MAMDC2: variants seen among roughly 807,000 people sequenced by gnomAD.
MAMDC2 encodes MAM domain containing 2.
MAMDC2 carries 57 observed loss-of-function variants against 89.8 expected under a neutral mutation model. The observed-to-expected ratio is 0.63, with a 90% CI of 0.51 to 0.79. The LOEUF (loss-of-function observed/expected upper bound fraction) is 0.79, where lower values mean the gene tolerates loss of function less well. Ranked by LOEUF, MAMDC2 falls within the 30% of genes least tolerant of loss-of-function variation. MAMDC2 has a pLI of 0.00. For synonymous variants in MAMDC2, 313 were observed against 293.4 expected (o/e 1.07, Z -0.68); for missense variants, 800 against 820.6 (o/e 0.97, Z 0.31).
chr9:70,142,805 C>T lies in MAMDC2; in HGVS notation c.1139-749C>T, dbSNP rs980214992. On this transcript the variant is annotated intron_variant, in intron 8 of 13. Transcript: ENST00000377182. ...ACTGAGGCACCCAAAAGAAAACTGA[C>T]AGGAGGAGGAGCAGAAAAAAGAAAG... 1.2e-4 allele frequency among the ~76,000 whole-genome samples: 18 copies of T among 152,146 alleles called. 1 individual carries two copies. Among genetic ancestry groups the T allele is most frequent in the Middle Eastern group, 3.4e-3 (1 of 294 alleles).
intron 2 of MAMDC2, among the ~76,000 whole-genome samples, chr9:70,085,259 A>G (rs1016279554): frequency 2.0e-5 from 3 of 152,000 alleles, no homozygotes; most frequent in Non-Finnish European, 4.4e-5. Flanking sequence ...GGGGGCATAG[A>G]CACCGTCCCT....
intron 2 of MAMDC2, among the ~76,000 whole-genome samples, chr9:70,100,480 G>A (rs1346590917): frequency 1.3e-5 from 2 of 152,210 alleles, no homozygotes; most frequent in Non-Finnish European, 2.9e-5. Flanking sequence ...TCAGCCCTGG[G>A]AAGGAAGCTG....
intron 2 of MAMDC2, among the ~76,000 whole-genome samples, chr9:70,082,399 C>G (rs905946648): frequency 6.6e-6 from 1 of 152,064 alleles, no homozygotes; most frequent in Admixed American, 6.6e-5. Flanking sequence ...TAAAAAAACT[C>G]TTTTAAAAAA....
chr9:70,094,490 A>G (rs1429718663), intron 2 of MAMDC2, among the ~76,000 whole-genome samples: 2 of 152,234 alleles, frequency 1.3e-5, no homozygotes, highest in Admixed American at 6.5e-5. Flanking sequence ...CAGTAGAGGT[A>G]TATGTGAAAA....
At chr9:70,115,599 G>A (rs766351252) in intron 5 of MAMDC2, among the ~76,000 whole-genome samples, 7 of 152,086 alleles carry the variant, frequency 4.6e-5, no homozygotes, top group South Asian at 2.1e-4. Context: ...TAGGTGATCC[G>A]CCTGCCTCGG....
At chr9:70,049,699 C>T (rs1469559643) in intron 2 of MAMDC2, among the ~76,000 whole-genome samples, 1 of 152,212 alleles carries the variant, frequency 6.6e-6, no homozygotes, top group South Asian at 2.1e-4. Context: ...AGGGATGTTC[C>T]TTGACACCCT....
At chr9:70,212,489 A>C (rs2033375391) in intron 11 of MAMDC2, among the ~76,000 whole-genome samples, 2 of 152,216 alleles carry the variant, frequency 1.3e-5, no homozygotes, top group African/African-American at 4.8e-5. Flanking sequence ...GTGCAGTATT[A>C]GAGTGGGAGT....
chr9:70,176,603 CCTT>C lies in MAMDC2; in HGVS notation c.1651+5976_1651+5978del, dbSNP rs375867170. 2.9e-4 allele frequency among the ~76,000 whole-genome samples: 44 copies of C among 152,228 alleles called. 1 individual carries two copies. In the East Asian group the frequency reaches 3.7e-3, roughly 13 times the overall value. On this transcript the variant is annotated intron_variant, in intron 11 of 13. Coordinates refer to ENST00000377182, the MANE Select transcript of MAMDC2 (RefSeq NM_153267.5). ...TAAAGTAAATTTTTTCTAGGGCCTG[CCTT>C]CTTTATTCTCTGTTTCATTTGCTTC...
intron 5 of MAMDC2, among the ~76,000 whole-genome samples, chr9:70,122,055 C>T (rs971103881): frequency 4.6e-5 from 7 of 152,222 alleles, no homozygotes; most frequent in Admixed American, 2.0e-4. Flanking sequence ...AGATAGTAAA[C>T]TCATGATGAG....
At chr9:70,165,721 G>A (rs1359711797) in intron 9 of MAMDC2, among the ~76,000 whole-genome samples, 1 of 152,228 alleles carries the variant, frequency 6.6e-6, no homozygotes, top group Non-Finnish European at 1.5e-5. Flanking sequence ...ATGAGGAAAT[G>A]CTGCATACCT....
At chr9:70,102,924 T>C (rs1017180703) in intron 2 of MAMDC2, among the ~76,000 whole-genome samples, 2 of 152,234 alleles carry the variant, frequency 1.3e-5, no homozygotes, top group African/African-American at 4.8e-5. Flanking sequence ...AATCCCCCTG[T>C]GATTTCTGCC....
intron 9 of MAMDC2, 97 bp from the exon 10 acceptor site, chr9:70,168,605 G>T: frequency 1.1e-5 from 9 of 823,442 alleles, no homozygotes; most frequent in Non-Finnish European, 1.6e-5. Flanking sequence ...CTTGTAGTTT[G>T]CCTATGCTCG....
intron 12 of MAMDC2, 75 bp downstream of exon 12, chr9:70,218,671 C>G (rs2033496098): frequency 6.8e-7 from 1 of 1,467,986 alleles, no homozygotes; most frequent in African/African-American, 1.4e-5. Context: ...ATTCTTGCTA[C>G]CAAAGAGAAT....
intron 2 of MAMDC2, among the ~76,000 whole-genome samples, chr9:70,070,383 T>G (rs954797388): frequency 6.6e-6 from 1 of 152,196 alleles, no homozygotes; most frequent in Non-Finnish European, 1.5e-5. Flanking sequence ...ATCACCCTCT[T>G]TTTTGGAGAG....
At chr9:70,102,038 G>A (rs1828211569) in intron 2 of MAMDC2, among the ~76,000 whole-genome samples, 1 of 152,170 alleles carries the variant, frequency 6.6e-6, no homozygotes, top group Non-Finnish European at 1.5e-5. Context: ...TTAAACATTA[G>A]ATGAAATAGA....
intron 11 of MAMDC2, among the ~76,000 whole-genome samples, chr9:70,181,688 T>G (rs1040674279): frequency 2.6e-5 from 4 of 152,172 alleles, no homozygotes; most frequent in African/African-American, 4.8e-5. Flanking sequence ...ATGCTTGTGA[T>G]TTTTGCACAT....
In MAMDC2 at chr9:70,132,328, C is replaced by G. The variant is rs2030841800; in HGVS notation, c.994+716C>G. Reference sequence around the variant, plus strand: ...TGATAACCCAGATAAATAAAATTGACCTTACTGTTTAGTGAATTTGTTTCC... The same window carrying G: ...TGATAACCCAGATAAATAAAATTGAGCTTACTGTTTAGTGAATTTGTTTCC... On this transcript the variant is annotated intron_variant, in intron 7 of 13. Coordinates refer to ENST00000377182, the MANE Select transcript of MAMDC2 (RefSeq NM_153267.5). 1.3e-5 allele frequency among the ~76,000 whole-genome samples: 2 copies of G among 152,024 alleles called. 1 individual carries two copies. The highest frequency in any genetic ancestry group is 4.2e-4 in the South Asian group (2 of 4,816).
chr9:70,140,515 T>C (rs2031176816), intron 8 of MAMDC2, among the ~76,000 whole-genome samples: 1 of 152,172 alleles, frequency 6.6e-6, no homozygotes, highest in South Asian at 2.1e-4. Context: ...CCTTGTAAAA[T>C]ATTTTGGAAC....
chr9:70,128,012 A>G (rs1037734854), intron 6 of MAMDC2, among the ~76,000 whole-genome samples: 1 of 151,952 alleles, frequency 6.6e-6, no homozygotes, highest in Admixed American at 6.5e-5. Flanking sequence ...AACTCTGGAC[A>G]CTACTAAACC....
Sources: gnomAD v4.1 joint callset for allele counts (sites outside exome capture counted in the v4.1 genomes callset) on GRCh38, gnomAD v4.1.1 for gene constraint, MANE v1.5 for transcripts, NCBI Gene and HGNC (gene_info 2026-07-23, HGNC 2026-07-21) for gene names.